Variants in FXN observed in about 807,000 individuals in gnomAD.
FXN encodes frataxin, mitochondrial.
Under a neutral mutation model 22.4 loss-of-function variants are expected in FXN, and 14 were observed. That is an observed-to-expected ratio of 0.62 (90% CI 0.41 to 0.98). The LOEUF (loss-of-function observed/expected upper bound fraction) is 0.98. FXN is among the 50% of genes least tolerant of loss of function. The pLI is 0.00. For missense variants in FXN, 267 were observed against 268.4 expected (o/e 0.99, Z 0.04); for synonymous variants, 120 against 114.1 (o/e 1.05, Z -0.33).
At chr9:69,068,613 A>G (rs1419142798) in intron 4 of FXN, among the ~76,000 whole-genome samples, 1 of 152,220 alleles carries the variant, frequency 6.6e-6, no homozygotes, top group Non-Finnish European at 1.5e-5. Flanking sequence ...GACTAGTGCC[A>G]AGGAACCTAT....
chr9:69,048,676 A>G (rs754320731), intron 2 of FXN, among the ~76,000 whole-genome samples: 13 of 152,084 alleles, frequency 8.5e-5, no homozygotes, highest in Non-Finnish European at 1.6e-4. Flanking sequence ...TTTATCTCCA[A>G]TGCTCCATTT....
At chr9:69,053,487 GGATGGATGGATGGATGGATGGATA>G (rs1446130845) in intron 3 of FXN, among the ~76,000 whole-genome samples, 2 of 149,728 alleles carry the variant, frequency 1.3e-5, no homozygotes, top group African/African-American at 5.0e-5. Flanking sequence ...ATGGATGGAT[GGATGGATGGATGGATGGATGGATA>G]GATAGATAGA....
intron 4 of FXN, among the ~76,000 whole-genome samples, chr9:69,065,712 G>A (rs1564338352): frequency 6.6e-6 from 1 of 152,188 alleles, no homozygotes; most frequent in Non-Finnish European, 1.5e-5. Context: ...GATCTGAAGT[G>A]AGTAGCTTAT....
Position 69,035,942 on chromosome 9 carries a change from C to G in FXN, c.160C>G (p.Arg54Gly), listed in dbSNP as rs969560796. 2 of 1,468,292 alleles carry G rather than the reference C, an allele frequency of 1.4e-6. No individual in the cohort carries two copies. The highest frequency in any genetic ancestry group is 1.5e-5 in the African/African-American group (1 of 67,992). 91.0% of individuals were successfully genotyped at this position (1,468,292 alleles called of 1,614,324 possible). The change falls in exon 1 of 5, where the codon CGC (arginine) becomes GGC (glycine). Residue 54 changes from arginine to glycine, a missense_variant. Coordinates refer to ENST00000484259, the MANE Select transcript of FXN (RefSeq NM_000144.5). ...TDIDATCTPR[R>G]ASSNQRGLNQ... Reference sequence around the variant, plus strand: ...CATCGATGCGACCTGCACGCCCCGCCGCGCAGTAAGTATCCGCGCCGGGAA... The same window carrying G: ...CATCGATGCGACCTGCACGCCCCGCGGCGCAGTAAGTATCCGCGCCGGGAA...
intron 1 of FXN, among the ~76,000 whole-genome samples, chr9:69,042,876 G>A (rs1249444822): frequency 6.6e-6 from 1 of 152,146 alleles, no homozygotes; most frequent in Non-Finnish European, 1.5e-5. Flanking sequence ...TCCTTCCACT[G>A]TGCACAGACT....
In FXN at chr9:69,053,182, G is replaced by C; in HGVS notation, c.306G>C (p.Thr102=). 1 of 1,613,878 alleles carries C rather than the reference G, an allele frequency of 6.2e-7. No homozygotes were observed. The highest frequency in any genetic ancestry group is 1.1e-5 in the South Asian group (1 of 91,076). ...ETTYERLAEE[T]LDSLAEFFED... ...CCTATGAAAGACTAGCAGAGGAAAC[G>C]CTGGACTCTTTAGCAGAGTTTTTTG... The change falls in exon 3 of 5, where the codon ACG becomes ACC. Residue 102 remains threonine (T), a synonymous_variant. Coordinates refer to ENST00000484259, the MANE Select transcript of FXN (RefSeq NM_000144.5).
rs1275593065 is a variant in FXN, at chr9:69,035,842, G to A, written c.60G>A (p.Gln20=). Residue 20 remains glutamine (Q), a synonymous_variant, in exon 1 of 5, where the codon CAG becomes CAA. Transcript: ENST00000484259. ...AGLLASPSPA[Q]AQTLTRVPRP... ...TCCTGGCGTCACCCAGCCCAGCCCAGGCCCAGACCCTCACCCGGGTCCCGC... is the reference window on the plus strand; with the variant it reads ...TCCTGGCGTCACCCAGCCCAGCCCAAGCCCAGACCCTCACCCGGGTCCCGC... 2 of 1,507,154 alleles carry A rather than the reference G, an allele frequency of 1.3e-6. No homozygotes were observed. The highest frequency in any genetic ancestry group is 5.3e-5 in the East Asian group (2 of 37,920). The allele number at this position is 1,507,154 out of a possible 1,614,324, so 93.4% of individuals were successfully genotyped here.
intron 4 of FXN, chr9:69,071,095 G>C: frequency 4.3e-6 from 2 of 466,148 alleles, no homozygotes; most frequent in Non-Finnish European, 8.5e-6. Context: ...CTAGGGACAC[G>C]TGGGCATCAG....
At chr9:69,065,178 A>T (rs1226505036) in intron 4 of FXN, 143 bp downstream of exon 4, 1 of 705,156 alleles carries the variant, frequency 1.4e-6, no homozygotes, top group African/African-American at 1.7e-5. Flanking sequence ...AGGTAGGAGG[A>T]TCACTTGAGG....
At position 69,035,913 on chromosome 9, in the gene FXN, C is replaced by A. The variant is rs544129099; in HGVS notation, c.131C>A (p.Thr44Asn). 6.4e-5 allele frequency: 95 copies of A among 1,486,838 alleles called. No individual in the cohort carries two copies. The African/African-American group carries it at 1.3e-3, about 20-fold the overall frequency. The allele number at this position is 1,486,838 out of a possible 1,614,324, so 92.1% of individuals were successfully genotyped here. The change falls in exon 1 of 5, where the codon ACC (threonine) becomes AAC (asparagine). Residue 44 changes from threonine to asparagine, a missense_variant. Transcript: ENST00000484259. ...CTCTGCGGCCGCCGTGGCCTGCGCACCGACATCGATGCGACCTGCACGCCC... is the reference window on the plus strand; with the variant it reads ...CTCTGCGGCCGCCGTGGCCTGCGCAACGACATCGATGCGACCTGCACGCCC... ...APLCGRRGLR[T>N]DIDATCTPRR...
At chr9:69,059,509 C>T (rs1486611610) in intron 3 of FXN, among the ~76,000 whole-genome samples, 1 of 142,366 alleles carries the variant, frequency 7.0e-6, no homozygotes, top group Non-Finnish European at 1.5e-5. Context: ...AAGGGATTCT[C>T]TTGCCTCAGT....
chr9:69,067,562 C>G (rs1386927049), intron 4 of FXN, among the ~76,000 whole-genome samples: 1 of 152,222 alleles, frequency 6.6e-6, no homozygotes, highest in Admixed American at 6.5e-5. Context: ...TCCCCATACT[C>G]TCTGTGGAAA....
At position 69,074,535 on chromosome 9, in the gene FXN, G is replaced by T; in HGVS notation, c.*1773G>T. ...ACTCCGTCTCAAAAAAAAAAAAAAG[G>T]AGGGTTTATTAATGAGAAGTTTGTA... On this transcript the variant is annotated 3_prime_UTR_variant, in exon 5 of 5. Transcript: ENST00000484259. The T allele has an allele frequency of 2.3e-6, 2 of 871,022 alleles. No individual in the cohort carries two copies. The highest frequency in any genetic ancestry group is 1.1e-4 in the South Asian group (2 of 17,486). 54.0% of individuals were successfully genotyped at this position (871,022 alleles called of 1,614,324 possible).
At chr9:69,044,730 C>A (rs1242277122) in intron 1 of FXN, among the ~76,000 whole-genome samples, 1 of 152,150 alleles carries the variant, frequency 6.6e-6, no homozygotes, top group Admixed American at 6.5e-5. Flanking sequence ...ACTCTTGTGC[C>A]CCAGTGGCTC....
chr9:69,056,464 A>AT (rs1471034460), intron 3 of FXN, among the ~76,000 whole-genome samples: 1 of 152,212 alleles, frequency 6.6e-6, no homozygotes, highest in Non-Finnish European at 1.5e-5. Flanking sequence ...ACTTAACACT[A>AT]ACATGTATTA....
At chr9:69,066,502 C>G (rs1273953097) in intron 4 of FXN, among the ~76,000 whole-genome samples, 3 of 152,094 alleles carry the variant, frequency 2.0e-5, no homozygotes, top group Non-Finnish European at 2.9e-5. Flanking sequence ...GGTTTTTAGA[C>G]CCAGTTAGTG....
At chr9:69,053,511 A>ATGGATGGATGGATGGATG (rs34724950) in intron 3 of FXN, among the ~76,000 whole-genome samples, 23 of 134,008 alleles carry the variant, frequency 1.7e-4, no homozygotes, top group Non-Finnish European at 3.1e-4. Flanking sequence ...ATGGATGGAT[A>ATGGATGGATGGATGGATG]GATAGATAGA....
rs199653475 is a variant in FXN at position 69,077,786 on chromosome 9, TGGCC to T, written c.*5026_*5029del. 747 of 602,964 alleles carry T rather than the reference TGGCC, an allele frequency of 1.2e-3. 5 individuals are homozygous for T. In the African/African-American group the frequency reaches 0.014, roughly 11 times the overall value. 37.4% of individuals were successfully genotyped at this position (602,964 alleles called of 1,614,324 possible). ...CTCTACTAAAAATACAAAAATTAGC[TGGCC>T]GTAGTGGCGCACGCCTGTTATCCCA... On this transcript the variant is annotated 3_prime_UTR_variant, in exon 5 of 5. Coordinates refer to ENST00000484259, the MANE Select transcript of FXN (RefSeq NM_000144.5).
At chr9:69,038,125 G>T (rs949739287) in intron 1 of FXN, among the ~76,000 whole-genome samples, 2 of 152,346 alleles carry the variant, frequency 1.3e-5, no homozygotes, top group East Asian at 1.9e-4. Context: ...CACCAGCTGG[G>T]CCTCTTTTTT....
Sources: gnomAD v4.1 joint callset for allele counts (sites outside exome capture counted in the v4.1 genomes callset) on GRCh38, gnomAD v4.1.1 for gene constraint, MANE v1.5 for transcripts, NCBI Gene and HGNC (gene_info 2026-07-23, HGNC 2026-07-21) for gene names.